The following EYA2 variants were observed in gnomAD, a reference collection of about 807,000 sequenced individuals.
EYA2 encodes the protein protein phosphatase EYA2.
EYA2 carries 31 observed loss-of-function variants against 69.2 expected under a neutral mutation model. That is an observed-to-expected ratio of 0.45 (90% CI 0.34 to 0.60). The LOEUF (loss-of-function observed/expected upper bound fraction) is 0.60, where lower values mean the gene tolerates loss of function less well. Ranked by LOEUF, EYA2 falls within the 20% of genes least tolerant of loss-of-function variation. The probability of loss-of-function intolerance (pLI) is 0.02; values close to 1 mark genes in which losing one functional copy is unlikely to be tolerated. For missense variants in EYA2, 622 were observed against 701.2 expected (o/e 0.89, Z 1.28); for synonymous variants, 257 against 279.4 (o/e 0.92, Z 0.80).
chr20:46,979,039 T>C (rs1980643348), intron 1 of EYA2, among the ~76,000 whole-genome samples: 1 of 152,218 alleles, frequency 6.6e-6, no homozygotes, highest in Non-Finnish European at 1.5e-5. Flanking sequence ...CAGGCTTTGA[T>C]TTCTCAGCCC....
chr20:47,001,504 AT>A (rs753080116), intron 3 of EYA2, 31 bp downstream of exon 3: 1 of 1,610,998 alleles, frequency 6.2e-7, no homozygotes, highest in African/African-American at 1.3e-5. Context: ...TCCTGCTCAC[AT>A]GCCCACCTTT....
chr20:46,964,470 T>G (rs1036029352), intron 1 of EYA2, among the ~76,000 whole-genome samples: 10 of 152,200 alleles, frequency 6.6e-5, no homozygotes, highest in Non-Finnish European at 1.3e-4. Context: ...GGGATGCACG[T>G]GTCTGCAACA....
chr20:47,010,891 G>A (rs1983020573), intron 4 of EYA2, among the ~76,000 whole-genome samples: 1 of 150,980 alleles, frequency 6.6e-6, no homozygotes, highest in East Asian at 2.0e-4. Flanking sequence ...ACGTTCAAGT[G>A]ATTCTCCTGC....
chr20:47,138,940 C>T (rs536420086), intron 9 of EYA2, among the ~76,000 whole-genome samples: 9 of 152,220 alleles, frequency 5.9e-5, no homozygotes, highest in South Asian at 4.1e-4. Flanking sequence ...CTCTAATAAA[C>T]GGTAATAACA....
chr20:47,001,728 G>T (rs1982385936), intron 3 of EYA2, among the ~76,000 whole-genome samples: 1 of 151,790 alleles, frequency 6.6e-6, no homozygotes, highest in Admixed American at 6.6e-5. Flanking sequence ...TTAGAATGGG[G>T]CCTGGAGCAG....
chr20:46,914,235 T>A (rs1483380454), intron 1 of EYA2, among the ~76,000 whole-genome samples: 2 of 152,204 alleles, frequency 1.3e-5, no homozygotes, highest in Non-Finnish European at 2.9e-5. Context: ...CTCATGAAGA[T>A]GAATATTCCA....
intron 10 of EYA2, among the ~76,000 whole-genome samples, chr20:47,162,562 G>A (rs1180757745): frequency 1.5e-5 from 2 of 131,914 alleles, no homozygotes; most frequent in African/African-American, 5.9e-5. Flanking sequence ...CTGTCACCCA[G>A]GCTGAAGTAC....
At chr20:47,064,491 G>T (rs1011520455) in intron 5 of EYA2, among the ~76,000 whole-genome samples, 8 of 152,176 alleles carry the variant, frequency 5.3e-5, no homozygotes, top group South Asian at 2.1e-4. Context: ...ATTATTTTGG[G>T]TATAAACCCA....
chr20:46,974,297 A>G (rs565772234), intron 1 of EYA2, among the ~76,000 whole-genome samples: 9 of 152,206 alleles, frequency 5.9e-5, no homozygotes, highest in African/African-American at 2.2e-4. Flanking sequence ...TTTGGTTTCC[A>G]ATATTCAGTT....
chr20:47,001,302 G>A (rs3746492), intron 2 of EYA2, 126 bp from the exon 3 acceptor site: 464,046 of 792,432 alleles, frequency 0.59, 144,265 homozygotes, highest in Non-Finnish European at 0.68. Context: ...AGCATCTGTG[G>A]TGGAGAAAGC....
At chr20:46,960,752 AC>A (rs570735908) in intron 1 of EYA2, among the ~76,000 whole-genome samples, 153 of 152,296 alleles carry the variant, frequency 1.0e-3, no homozygotes, top group Non-Finnish European at 1.2e-3. Flanking sequence ...AGACAGCGTG[AC>A]CCACAAAGCC....
At chr20:47,127,079 AC>A (rs2033210228) in intron 9 of EYA2, among the ~76,000 whole-genome samples, 1 of 149,728 alleles carries the variant, frequency 6.7e-6, no homozygotes. Flanking sequence ...TCCCCACCCC[AC>A]CCCCTCAAAA....
At chr20:46,925,834 T>G (rs954652189) in intron 1 of EYA2, among the ~76,000 whole-genome samples, 5 of 152,240 alleles carry the variant, frequency 3.3e-5, no homozygotes, top group Admixed American at 6.5e-5. Context: ...CAATTGTATG[T>G]GTGCAAAGTA....
intron 5 of EYA2, among the ~76,000 whole-genome samples, chr20:47,042,375 T>C (rs531318618): frequency 1.4e-4 from 22 of 152,298 alleles, no homozygotes; most frequent in African/African-American, 4.6e-4. Context: ...AAAAGGGAAG[T>C]CATCTAAAAT....
chr20:47,170,644 C>G (rs1199083559), intron 11 of EYA2, among the ~76,000 whole-genome samples: 3 of 144,756 alleles, frequency 2.1e-5, no homozygotes, highest in Non-Finnish European at 4.5e-5. Flanking sequence ...GAGACTCCGT[C>G]TCAAAAAAAA....
At position 47,034,216 on chromosome 20, in the gene EYA2, A is replaced by C. The variant is rs572509252; in HGVS notation, c.415+17919A>C. ...TTTTTTGTGTTTTGTATTTATCATT[A>C]ATGGCAAGTGGTATTGATTTTCTAT... On this transcript the variant is annotated intron_variant, in intron 5 of 15. Transcript: ENST00000327619. Among the ~76,000 whole-genome samples, 46 of 152,356 alleles carry C rather than the reference A, an allele frequency of 3.0e-4. 1 individual carries two copies. Among genetic ancestry groups the C allele is most frequent in the African/African-American group, 1.1e-3 (45 of 41,588 alleles).
intron 5 of EYA2, among the ~76,000 whole-genome samples, chr20:47,064,243 C>T (rs1315294099): frequency 2.6e-5 from 4 of 152,238 alleles, no homozygotes; most frequent in African/African-American, 9.6e-5. Context: ...AGGTATGAGC[C>T]ACCATGCCCA....
Position 47,188,419 on chromosome 20 carries a change from T to C in EYA2, c.*286T>C, listed in dbSNP as rs3186647. ...TCACAGAACAAAAGCAAGGAATTGCTGATTTGGGGGGTGCCTGGTGATGAG... is the reference window on the plus strand; with the variant it reads ...TCACAGAACAAAAGCAAGGAATTGCCGATTTGGGGGGTGCCTGGTGATGAG... On this transcript the variant is annotated 3_prime_UTR_variant, in exon 16 of 16. Transcript: ENST00000327619. 278,827 of 554,428 alleles carry C rather than the reference T, an allele frequency of 0.5. 73,455 individuals carry two copies. Among genetic ancestry groups the C allele is most frequent in the African/African-American group, 0.81 (43,177 of 53,504 alleles). The allele number at this position is 554,428 out of a possible 1,614,324, so 34.3% of individuals were successfully genotyped here.
intron 5 of EYA2, among the ~76,000 whole-genome samples, chr20:47,047,544 G>T (rs9941776): frequency 1.3e-5 from 2 of 152,100 alleles, no homozygotes; most frequent in African/African-American, 2.4e-5. Context: ...GTGCCACCAC[G>T]CCTGGCTAAT....
Sources: allele counts gnomAD v4.1 joint callset (sites outside exome capture counted in the v4.1 genomes callset), GRCh38; gene constraint gnomAD v4.1.1; transcripts MANE v1.5; gene names NCBI Gene and HGNC (gene_info 2026-07-23, HGNC 2026-07-21).